The following WDR87 variants were observed in gnomAD, a reference collection of about 807,000 sequenced individuals.
The protein encoded by WDR87 is WD repeat-containing protein 87.
Under a neutral mutation model 83.3 loss-of-function variants are expected in WDR87, and 56 were observed. That is an observed-to-expected ratio of 0.67 (90% confidence interval 0.54 to 0.84). The LOEUF (loss-of-function observed/expected upper bound fraction) is 0.84. Ranked by LOEUF, WDR87 falls within the 40% of genes least tolerant of loss-of-function variation. The pLI is 0.00. For synonymous variants in WDR87, 1,173 were observed against 1,250.6 expected (o/e 0.94, Z 1.31); for missense variants, 2,939 against 3,431.9 (o/e 0.86, Z 3.59).
Position 37,894,103 on chromosome 19 carries a change from C to T in WDR87, c.1600G>A (p.Val534Met), listed in dbSNP as rs184107606. The T allele has an allele frequency of 2.1e-4, 326 of 1,552,350 alleles. No homozygotes were observed. The Admixed American group carries it at 2.3e-3, about 11-fold the overall frequency. ...TCAAGCACAGCTTCTGACAGGTGCACATAGTCATCCATTCCATAGGAACAG... is the reference window on the plus strand; with the variant it reads ...TCAAGCACAGCTTCTGACAGGTGCATATAGTCATCCATTCCATAGGAACAG... ...LLCSYGMDDY[V>M]HLSEAVLDGV... Residue 534 changes from valine to methionine, a missense_variant, in exon 4 of 6, where the codon GTG (valine) becomes ATG (methionine). Val to Met is a conservative substitution (Grantham distance 21). Coordinates refer to ENST00000447313, the MANE Select transcript of WDR87 (RefSeq NM_001291088.2).
rs1197159610 is a variant in WDR87, at chr19:37,895,465, G to C, written c.247-9C>G. ...TTCATCCATGCTACAGCCTAGAAGA[G>C]AATAAGAAGGAAACTGCCTAGGCCG... is the stretch of plus-strand genomic sequence containing the variant. On this transcript the variant is annotated splice_polypyrimidine_tract_variant and intron_variant, in intron 3 of 5. Transcript: ENST00000447313. 6.5e-7 allele frequency: 1 copy of C among 1,545,470 alleles called. No homozygotes were observed. The highest frequency in any genetic ancestry group is 1.2e-5 in the South Asian group (1 of 83,598).
chr19:37,890,808 T>C (rs912550084), intron 5 of WDR87, among the ~76,000 whole-genome samples: 4 of 152,240 alleles, frequency 2.6e-5, no homozygotes, highest in Non-Finnish European at 5.9e-5. Context: ...AATAGAATCA[T>C]TAAAAAATGT....
chr19:37,885,589 G>A lies in WDR87; in HGVS notation c.8082C>T (p.Ser2694=). ...PYRSERAQQI[S]IAHKEMEMQY... is the part of the protein sequence containing the mutation. Reference sequence around the variant, plus strand: ...GCATTTCCATCTCCTTGTGAGCAATGGATATCTGCTGTGCCCTCTCACTTC... The same window carrying A: ...GCATTTCCATCTCCTTGTGAGCAATAGATATCTGCTGTGCCCTCTCACTTC... Residue 2694 remains serine, a synonymous_variant, in exon 6 of 6, where the codon TCC becomes TCT. Coordinates refer to ENST00000447313, the MANE Select transcript of WDR87 (RefSeq NM_001291088.2). 2 of 1,551,708 alleles carry A rather than the reference G, an allele frequency of 1.3e-6. No homozygotes were observed. Among genetic ancestry groups the A allele is most frequent in the South Asian group, 2.4e-5 (2 of 84,068 alleles).
rs970367578 is a variant in WDR87 at position 37,889,072 on chromosome 19, C to T, written c.4599G>A (p.Glu1533=). ...GCTTCTCTCCAGCCTGATGTAGTTT[C>T]TCCTCTTCCTGAAGAAGCCTCTTCT... is the stretch of plus-strand genomic sequence containing the variant. ...EWEKRLLQEE[E]KLHQAGEKLS... Residue 1533 remains glutamate (E), a synonymous_variant, in exon 6 of 6, where the codon GAG becomes GAA. Transcript: ENST00000447313. The T allele has an allele frequency of 3.9e-6, 6 of 1,551,986 alleles. No individual in the cohort carries two copies. The African/African-American group carries it at 5.5e-5, about 14-fold the overall frequency.
intron 1 of WDR87, among the ~76,000 whole-genome samples, chr19:37,898,718 G>GT (rs1319964389): frequency 2.0e-5 from 3 of 152,230 alleles, no homozygotes; most frequent in African/African-American, 7.2e-5. Flanking sequence ...CTTAACGACT[G>GT]TAAGTGACAG....
chr19:37,895,183 T>A lies in WDR87; in HGVS notation c.520A>T (p.Thr174Ser), dbSNP rs2046243916. The A allele has an allele frequency of 6.4e-7, 1 of 1,551,700 alleles. No individual in the cohort carries two copies. The highest frequency in any genetic ancestry group is 8.7e-7 in the Non-Finnish European group (1 of 1,146,992). Reference protein sequence around the residue: ...LLSGILGAVVTWVIELGGTGL... With the variant: ...LLSGILGAVVSWVIELGGTGL... ...GTGCCACCTAGCTCAATGACCCAGGTCACCACTGCCCCCAGGATGCCAGAC... is the reference window on the plus strand; with the variant it reads ...GTGCCACCTAGCTCAATGACCCAGGACACCACTGCCCCCAGGATGCCAGAC... The change falls in exon 4 of 6, where the codon ACC becomes TCC. Residue 174 changes from threonine to serine, a missense_variant. Thr to Ser is a moderately conservative substitution (Grantham distance 58). Transcript: ENST00000447313.
In WDR87 at chr19:37,889,498, C is replaced by T; in HGVS notation, c.4173G>A (p.Lys1391=). ...CCAAGCCCAGCATGTCTCTTGCTTT[C>T]TTTTGTGCTTGTTCTTCTTCCCTTG... ...VMPREEEQAQ[K]KARDMLGLEE... is the part of the protein sequence containing the mutation. Residue 1391 remains lysine, a synonymous_variant, in exon 6 of 6, where the codon AAG becomes AAA. Transcript: ENST00000447313. 6.4e-7 allele frequency: 1 copy of T among 1,551,730 alleles called. No homozygotes were observed. Among genetic ancestry groups the T allele is most frequent in the Non-Finnish European group, 8.7e-7 (1 of 1,147,016 alleles).
In WDR87 at chr19:37,888,251, G is replaced by T; in HGVS notation, c.5420C>A (p.Thr1807Lys). 4 of 1,549,276 alleles carry T rather than the reference G, an allele frequency of 2.6e-6. No individual in the cohort carries two copies. The highest frequency in any genetic ancestry group is 3.5e-6 in the Non-Finnish European group (4 of 1,146,274). The change falls in exon 6 of 6, where the codon ACA (threonine) becomes AAA (lysine). Residue 1807 changes from threonine to lysine, a missense_variant. Thr to Lys is a moderately conservative substitution (Grantham distance 78). Around this residue, in one of 3 missense-constraint regions of WDR87, gnomAD observed 2,160 missense variants for 2,533.1 expected, o/e 0.85. Transcript: ENST00000447313. ...CAACTCTTCTTCCTGGGCCAGTTTT[G>T]TCTCTTCTTCAGACAGTTTCTCCCT... ...WQREKLSEEETKLAQEEELLI... is the reference protein window; with the variant it reads ...WQREKLSEEEKKLAQEEELLI...
In WDR87 at chr19:37,887,273, T is replaced by G. The variant is rs1280304464; in HGVS notation, c.6398A>C (p.Glu2133Ala). ...CCTCTTCATCTTTGTCATTTTTATT[T>G]CTTCCTGTGTTAGTTTCCTTTCATC... ...TRDERKLTQE[E>A]IKMTKMKRAL... The change falls in exon 6 of 6, where the codon GAA (glutamate) becomes GCA (alanine). Residue 2133 changes from glutamate (E) to alanine (A), a missense_variant. Glu to Ala is a moderately radical substitution (Grantham distance 107). Coordinates refer to ENST00000447313, the MANE Select transcript of WDR87 (RefSeq NM_001291088.2). 3.2e-6 allele frequency: 5 copies of G among 1,551,406 alleles called. No homozygotes were observed. The highest frequency in any genetic ancestry group is 4.4e-6 in the Non-Finnish European group (5 of 1,146,940).
chr19:37,889,292 G>T lies in WDR87; in HGVS notation c.4379C>A (p.Thr1460Asn). Residue 1460 changes from threonine to asparagine, a missense_variant, in exon 6 of 6, where the codon ACC (threonine) becomes AAC (asparagine). Thr to Asn is a moderately conservative substitution (Grantham distance 65). Coordinates refer to ENST00000447313, the MANE Select transcript of WDR87 (RefSeq NM_001291088.2). Reference protein sequence around the residue: ...RKVGKIKREMTKEERDMSEEV... With the variant: ...RKVGKIKREMNKEERDMSEEV... ...CTCACTCATATCCCTCTCTTCTTTG[G>T]TCATTTCCCTCTTTATTTTTCCTAC... 2 of 1,551,618 alleles carry T rather than the reference G, an allele frequency of 1.3e-6. No individual in the cohort carries two copies. Among genetic ancestry groups the T allele is most frequent in the Non-Finnish European group, 1.7e-6 (2 of 1,147,014 alleles).
At chr19:37,892,340 C>T (rs565573654) in intron 4 of WDR87, among the ~76,000 whole-genome samples, 14 of 151,974 alleles carry the variant, frequency 9.2e-5, no homozygotes, top group South Asian at 2.1e-4. Flanking sequence ...GCCAAGATCG[C>T]GCCACTACAC....
At chr19:37,890,804 A>G (rs1041111120) in intron 5 of WDR87, among the ~76,000 whole-genome samples, 4 of 152,190 alleles carry the variant, frequency 2.6e-5, no homozygotes, top group Admixed American at 6.5e-5. Context: ...AATAAATAGA[A>G]TCATTAAAAA....
chr19:37,892,504 GA>G, intron 4 of WDR87, 73 bp downstream of exon 4: 10 of 1,297,132 alleles, frequency 7.7e-6, no homozygotes, highest in Non-Finnish European at 1.0e-5. Context: ...AATGAACAGG[GA>G]TGAAGAAATA....
At chr19:37,895,923 A>C in intron 3 of WDR87, 1 of 599,796 alleles carries the variant, frequency 1.7e-6, no homozygotes, top group Non-Finnish European at 2.8e-6. Flanking sequence ...AGAGGCAGGA[A>C]TCCTAGGACC....
At chr19:37,905,583 G>C (rs769605896) in intron 1 of WDR87, among the ~76,000 whole-genome samples, 3 of 148,918 alleles carry the variant, frequency 2.0e-5, no homozygotes, top group Non-Finnish European at 4.4e-5. Flanking sequence ...TTTTTAAAGA[G>C]ACAGGGTTCT....
intron 4 of WDR87, among the ~76,000 whole-genome samples, chr19:37,892,212 G>T (rs1015519668): frequency 2.2e-4 from 33 of 152,156 alleles, no homozygotes; most frequent in African/African-American, 8.0e-4. Flanking sequence ...GGGCAATATA[G>T]TGAGACTCTG....
Position 37,884,867 on chromosome 19 carries a change from G to T in WDR87, c.*65C>A. The T allele has an allele frequency of 3.6e-5, 42 of 1,177,550 alleles. No homozygotes were observed. Among genetic ancestry groups the T allele is most frequent in the Non-Finnish European group, 4.4e-5 (40 of 918,358 alleles). The allele number at this position is 1,177,550 out of a possible 1,614,324, so 72.9% of individuals were successfully genotyped here. Reference sequence around the variant, plus strand: ...AGAGAGAGAGAGAGATGAAGGTCTAGATCCTGGTAATTAGGCCTTTCTCCA... The same window carrying T: ...AGAGAGAGAGAGAGATGAAGGTCTATATCCTGGTAATTAGGCCTTTCTCCA... On this transcript the variant is annotated 3_prime_UTR_variant, in exon 6 of 6. Transcript: ENST00000447313.
chr19:37,890,369 A>T lies in WDR87; in HGVS notation c.3395-93T>A, dbSNP rs62110238. ...TAGGTGTGAGCTAAGAAGAACTGTCATATAAGAAGTAACAACAGAGAGAAC... is the reference window on the plus strand; with the variant it reads ...TAGGTGTGAGCTAAGAAGAACTGTCTTATAAGAAGTAACAACAGAGAGAAC... On this transcript the variant is annotated intron_variant, in intron 5 of 5. Coordinates refer to ENST00000447313, the MANE Select transcript of WDR87 (RefSeq NM_001291088.2). 0.046 allele frequency: 63,484 copies of T among 1,392,810 alleles called. 1,675 individuals carry two copies. The highest frequency in any genetic ancestry group is 0.1 in the East Asian group (4,101 of 39,256). 86.3% of individuals were successfully genotyped at this position (1,392,810 alleles called of 1,614,324 possible).
At position 37,893,784 on chromosome 19, in the gene WDR87, A is replaced by G; in HGVS notation, c.1919T>C (p.Ile640Thr). ...GTGCAGTGATGAGTCCAGAATGCCT[A>G]TGAGTCTGCCATGGAAGTCCCAGAT... ...VRIWDFHGRL[I>T]GILDSSLHFG... The change falls in exon 4 of 6, where the codon ATA becomes ACA. Residue 640 changes from isoleucine to threonine, a missense_variant. Physicochemically the swap from Ile to Thr is moderately conservative, Grantham distance 89. Coordinates refer to ENST00000447313, the MANE Select transcript of WDR87 (RefSeq NM_001291088.2). 3 of 1,551,676 alleles carry G rather than the reference A, an allele frequency of 1.9e-6. No homozygotes were observed. Among genetic ancestry groups the G allele is most frequent in the East Asian group, 2.4e-5 (1 of 40,926 alleles).
Sources: allele counts gnomAD v4.1 joint callset (sites outside exome capture counted in the v4.1 genomes callset), GRCh38; gene constraint gnomAD v4.1.1; regional missense constraint gnomAD v4.1.1; transcripts MANE v1.5; gene names NCBI Gene and HGNC (gene_info 2026-07-23, HGNC 2026-07-21).